STMN2: variants seen among roughly 807,000 people sequenced by gnomAD.
STMN2 encodes stathmin-2.
STMN2 carries 2 observed loss-of-function variants against 24.1 expected under a neutral mutation model. That is an observed-to-expected ratio of 0.08 (90% CI 0.03 to 0.26). The LOEUF (loss-of-function observed/expected upper bound fraction) is 0.26, where lower values mean the gene tolerates loss of function less well. Among genes scored for constraint, STMN2 ranks in the 10% least tolerant of loss-of-function variants. The probability of loss-of-function intolerance (pLI) is 1.00; values close to 1 mark genes in which losing one functional copy is unlikely to be tolerated. For synonymous variants in STMN2, 83 were observed against 77.5 expected (o/e 1.07, Z -0.37); for missense variants, 114 against 213.6 (o/e 0.53, Z 2.91).
At chr8:79,650,540 G>A (rs1810313154) in intron 3 of STMN2, among the ~76,000 whole-genome samples, 1 of 152,118 alleles carries the variant, frequency 6.6e-6, no homozygotes, top group African/African-American at 2.4e-5. Context: ...TTGCTCATTG[G>A]AATTAGAGCC....
intron 4 of STMN2, 115 bp from the exon 5 acceptor site, chr8:79,664,700 G>T: frequency 2.2e-6 from 2 of 893,494 alleles, no homozygotes; most frequent in South Asian, 2.4e-5. Flanking sequence ...TTCTGAAATG[G>T]GAAAAATTCA....
intron 1 of STMN2, among the ~76,000 whole-genome samples, chr8:79,630,353 C>A (rs187201314): frequency 2.6e-5 from 4 of 152,196 alleles, no homozygotes; most frequent in African/African-American, 9.6e-5. Context: ...AATAGGCTAT[C>A]CACCCTTATG....
At chr8:79,641,848 A>G (rs1385047250) in intron 3 of STMN2, among the ~76,000 whole-genome samples, 1 of 152,104 alleles carries the variant, frequency 6.6e-6, no homozygotes, top group African/African-American at 2.4e-5. Flanking sequence ...CTTCCCGTAT[A>G]TTGAATCCCC....
In STMN2 at chr8:79,612,982, GT is replaced by G. The variant is rs1428937816; in HGVS notation, c.19+1769del. Among the ~76,000 whole-genome samples, 11 of 152,194 alleles carry G rather than the reference GT, an allele frequency of 7.2e-5. No individual in the cohort carries two copies. The East Asian group carries it at 1.9e-3, about 27-fold the overall frequency. On this transcript the variant is annotated intron_variant, in intron 1 of 4. Transcript: ENST00000220876. ...CACCGAGCCCCTCCCAGCCAAGCGG[GT>G]GGCTCTGCAGAAAAGCTGGCTCGAG...
chr8:79,618,458 A>G (rs1809434417), intron 1 of STMN2, among the ~76,000 whole-genome samples: 2 of 152,364 alleles, frequency 1.3e-5, no homozygotes, highest in South Asian at 2.1e-4. Context: ...TCCATAGGCC[A>G]GAGATATTTA....
intron 1 of STMN2, 141 bp downstream of exon 1, chr8:79,611,355 G>A: frequency 8.8e-7 from 1 of 1,138,802 alleles, no homozygotes; most frequent in South Asian, 1.4e-5. Context: ...GGACAGGGCA[G>A]TTCTGGGGGA....
chr8:79,636,919 T>C, intron 2 of STMN2, 22 bp downstream of exon 2: 1 of 1,599,944 alleles, frequency 6.3e-7, no homozygotes, highest in African/African-American at 1.3e-5. Flanking sequence ...AGGATAGACA[T>C]ACCCCTGCTA....
chr8:79,655,268 G>T (rs80015140), intron 4 of STMN2, among the ~76,000 whole-genome samples: 1 of 152,038 alleles, frequency 6.6e-6, no homozygotes, highest in Non-Finnish European at 1.5e-5. Context: ...CATGAAAGCT[G>T]GAATTTTGTC....
intron 3 of STMN2, among the ~76,000 whole-genome samples, chr8:79,644,160 AG>A (rs1337495615): frequency 6.6e-6 from 1 of 152,228 alleles, no homozygotes; most frequent in Non-Finnish European, 1.5e-5. Flanking sequence ...TATGTTAGTA[AG>A]GACATGCCTA....
At chr8:79,658,538 C>G (rs530188283) in intron 4 of STMN2, among the ~76,000 whole-genome samples, 10 of 152,182 alleles carry the variant, frequency 6.6e-5, no homozygotes, top group African/African-American at 2.4e-4. Flanking sequence ...ACAGTAAATA[C>G]AAAGACACTG....
In STMN2 at chr8:79,664,928, A is replaced by G; in HGVS notation, c.*54A>G. ...AATAGTAAATCCCCCTGCCTATATT[A>G]TAATGGATCATGCGATATCAGGATG... On this transcript the variant is annotated 3_prime_UTR_variant, in exon 5 of 5. Coordinates refer to ENST00000220876, the MANE Select transcript of STMN2 (RefSeq NM_007029.4). 1 of 1,534,168 alleles carries G rather than the reference A, an allele frequency of 6.5e-7. No individual in the cohort carries two copies. Among genetic ancestry groups the G allele is most frequent in the Non-Finnish European group, 8.9e-7 (1 of 1,119,236 alleles).
chr8:79,612,649 G>A (rs554891157), intron 1 of STMN2, among the ~76,000 whole-genome samples: 1 of 152,296 alleles, frequency 6.6e-6, no homozygotes, highest in Admixed American at 6.5e-5. Context: ...CAGTGGCCCC[G>A]GGGTGAAAAG....
At chr8:79,620,672 A>G (rs572253247) in intron 1 of STMN2, among the ~76,000 whole-genome samples, 2 of 152,302 alleles carry the variant, frequency 1.3e-5, no homozygotes, top group Non-Finnish European at 1.5e-5. Context: ...AAGATAGTAC[A>G]TAATGATACA....
chr8:79,636,717 C>T (rs1809970284), intron 1 of STMN2, 85 bp from the exon 2 acceptor site: 1 of 1,237,782 alleles, frequency 8.1e-7, no homozygotes, highest in African/African-American at 1.5e-5. Context: ...CTGCAGGAGG[C>T]AATAATTATT....
At chr8:79,627,614 ATAGT>A (rs1466407032) in intron 1 of STMN2, among the ~76,000 whole-genome samples, 3 of 152,236 alleles carry the variant, frequency 2.0e-5, no homozygotes, top group Non-Finnish European at 4.4e-5. Context: ...AATTGCCCTG[ATAGT>A]TAAACAATTT....
chr8:79,641,315 T>C (rs1327632337), intron 2 of STMN2, 63 bp from the exon 3 acceptor site: 12 of 1,536,060 alleles, frequency 7.8e-6, no homozygotes, highest in South Asian at 4.9e-5. Context: ...GAATCTAAAT[T>C]ATTAAAATAA....
At chr8:79,646,443 T>C (rs1413362877) in intron 3 of STMN2, among the ~76,000 whole-genome samples, 3 of 151,398 alleles carry the variant, frequency 2.0e-5, no homozygotes, top group African/African-American at 7.3e-5. Context: ...ATAATATAAT[T>C]ATTGGATAGT....
intron 1 of STMN2, among the ~76,000 whole-genome samples, chr8:79,632,431 G>A (rs1324229547): frequency 1.3e-5 from 2 of 152,146 alleles, no homozygotes; most frequent in African/African-American, 2.4e-5. Flanking sequence ...AAAACCTCCC[G>A]CTAGACTAAT....
chr8:79,663,269 G>A (rs1806537402), intron 4 of STMN2, among the ~76,000 whole-genome samples: 1 of 152,126 alleles, frequency 6.6e-6, no homozygotes, highest in Admixed American at 6.5e-5. Context: ...TTGTATAGCA[G>A]TGATTAAGAG....
Sources: gnomAD v4.1 joint callset for allele counts (sites outside exome capture counted in the v4.1 genomes callset) on GRCh38, gnomAD v4.1.1 for gene constraint, MANE v1.5 for transcripts, NCBI Gene and HGNC (gene_info 2026-07-23, HGNC 2026-07-21) for gene names.